Variants in NHSL1 observed in about 807,000 individuals in gnomAD.
The protein encoded by NHSL1 is NHS like 1.
In NHSL1, 48 loss-of-function variants were observed where a neutral mutation model predicts 95.0. The ratio of observed to expected loss-of-function variants is 0.51; its 90% CI spans 0.40 to 0.64. The LOEUF (loss-of-function observed/expected upper bound fraction) is 0.64, where lower values mean the gene tolerates loss of function less well. NHSL1 is among the 30% of genes least tolerant of loss of function. NHSL1 has a pLI of 0.00. For missense variants in NHSL1, 1,971 were observed against 2,077.7 expected, an observed-to-expected ratio of 0.95 and a Z score of 1.00; for synonymous variants, 783 against 833.9, an observed-to-expected ratio of 0.94 and a Z score of 1.05.
At chr6:138,674,795 T>C (rs987154172) in intron 1 of NHSL1, among the ~76,000 whole-genome samples, 3 of 152,168 alleles carry the variant, frequency 2.0e-5, no homozygotes, top group Non-Finnish European at 4.4e-5. Context: ...TGCATGTATA[T>C]TTACAACAGA....
At chr6:138,476,431 G>A (rs1422943902) in intron 2 of NHSL1, among the ~76,000 whole-genome samples, 1 of 152,176 alleles carries the variant, frequency 6.6e-6, no homozygotes, top group African/African-American at 2.4e-5. Flanking sequence ...CACCTTATTA[G>A]TGGGAACCAA....
intron 1 of NHSL1, chr6:138,691,992 CA>C (rs778126843): frequency 4.4e-5 from 20 of 456,684 alleles, no homozygotes; most frequent in South Asian, 3.1e-4. Context: ...AGAGAGGTGG[CA>C]AGCAGCCCCA....
intron 1 of NHSL1, among the ~76,000 whole-genome samples, chr6:138,600,283 GA>G (rs1446081409): frequency 6.6e-6 from 1 of 151,342 alleles, no homozygotes; most frequent in Non-Finnish European, 1.5e-5. Context: ...GCCCAGGCTG[GA>G]GTGCAGTAGC....
intron 1 of NHSL1, among the ~76,000 whole-genome samples, chr6:138,540,269 T>C (rs1782528227): frequency 6.6e-6 from 1 of 152,216 alleles, no homozygotes; most frequent in African/African-American, 2.4e-5. Flanking sequence ...AAATGTATGA[T>C]AGTAAAATGT....
intron 1 of NHSL1, among the ~76,000 whole-genome samples, chr6:138,655,607 A>G (rs948241439): frequency 6.6e-6 from 1 of 152,228 alleles, no homozygotes; most frequent in African/African-American, 2.4e-5. Flanking sequence ...TTCAACAGCA[A>G]TAGTTGAAAA....
At chr6:138,569,007 C>T (rs1316079976) in intron 1 of NHSL1, among the ~76,000 whole-genome samples, 1 of 152,166 alleles carries the variant, frequency 6.6e-6, no homozygotes, top group African/African-American at 2.4e-5. Flanking sequence ...ACACTATCCA[C>T]ACTGATGGTA....
chr6:138,439,543 T>C (rs891832589), intron 5 of NHSL1, among the ~76,000 whole-genome samples: 2 of 152,222 alleles, frequency 1.3e-5, no homozygotes, highest in African/African-American at 2.4e-5. Context: ...CAAATAAATA[T>C]GTAATCCAAT....
chr6:138,589,271 G>A (rs113889140), intron 1 of NHSL1, among the ~76,000 whole-genome samples: 6 of 152,250 alleles, frequency 3.9e-5, no homozygotes, highest in South Asian at 2.1e-4. Flanking sequence ...CACAGAGGGC[G>A]TGCCAGCATC....
intron 1 of NHSL1, among the ~76,000 whole-genome samples, chr6:138,611,087 A>T (rs76297725): frequency 6.6e-6 from 1 of 151,924 alleles, no homozygotes; most frequent in Admixed American, 6.5e-5. Flanking sequence ...AAAAAAAAAA[A>T]GTGGCAAGGA....
chr6:138,591,930 T>C (rs77927555), intron 1 of NHSL1, among the ~76,000 whole-genome samples: 1,776 of 152,220 alleles, frequency 0.012, 27 homozygotes, highest in African/African-American at 0.041. Context: ...TAGGGTTCCA[T>C]AGGATCCATG....
chr6:138,500,626 C>A (rs532782282), upstream of NHSL1, among the ~76,000 whole-genome samples: 1 of 152,284 alleles, frequency 6.6e-6, no homozygotes, highest in South Asian at 2.1e-4. Flanking sequence ...AACAAAGGCT[C>A]TTAGTCAAAG....
chr6:138,458,094 C>G (rs2128231027), intron 3 of NHSL1, among the ~76,000 whole-genome samples: 1 of 152,078 alleles, frequency 6.6e-6, no homozygotes, highest in South Asian at 2.1e-4. Flanking sequence ...ACACGGAAGA[C>G]CATACTGCTG....
chr6:138,504,396 T>C (rs1654316536), upstream of NHSL1, among the ~76,000 whole-genome samples: 1 of 152,066 alleles, frequency 6.6e-6, no homozygotes, highest in South Asian at 2.1e-4. Context: ...GATATAAAGA[T>C]TAAGTCTAGC....
intron 1 of NHSL1, among the ~76,000 whole-genome samples, chr6:138,673,031 G>GATAGA (rs1562409221): frequency 5.6e-4 from 83 of 148,166 alleles, no homozygotes; most frequent in South Asian, 2.8e-3. Context: ...AGATAGATAG[G>GATAGA]TAGATAGATA....
chr6:138,428,787 A>G (rs776287600), intron 7 of NHSL1, among the ~76,000 whole-genome samples: 9 of 151,908 alleles, frequency 5.9e-5, no homozygotes, highest in Non-Finnish European at 7.4e-5. Flanking sequence ...TTGTTTCAGG[A>G]GGTTAAAAAA....
intron 1 of NHSL1, among the ~76,000 whole-genome samples, chr6:138,587,091 A>C (rs1784146589): frequency 6.7e-6 from 1 of 149,766 alleles, no homozygotes; most frequent in Non-Finnish European, 1.5e-5. Flanking sequence ...TCCTGTCTCA[A>C]CCTCTCGAGT....
chr6:138,490,169 G>A (rs1779991349), intron 2 of NHSL1, among the ~76,000 whole-genome samples: 1 of 151,984 alleles, frequency 6.6e-6, no homozygotes, highest in South Asian at 2.1e-4. Flanking sequence ...TAAAGTTACA[G>A]AAAAAAAGAT....
At chr6:138,663,059 C>T (rs1446394672) in intron 1 of NHSL1, among the ~76,000 whole-genome samples, 7 of 21,990 alleles carry the variant, frequency 3.2e-4, no homozygotes, top group African/African-American at 2.6e-3. Flanking sequence ...ACCGAACTCA[C>T]GGCAAAAAAA....
At chr6:138,593,895 C>T (rs1011796812) in intron 1 of NHSL1, among the ~76,000 whole-genome samples, 29 of 152,164 alleles carry the variant, frequency 1.9e-4, no homozygotes, top group African/African-American at 6.0e-4. Context: ...TCTAAGAAAA[C>T]TGCTGAATCA....
Sources: gnomAD v4.1 joint callset for allele counts (sites outside exome capture counted in the v4.1 genomes callset) on GRCh38, gnomAD v4.1.1 for gene constraint, MANE v1.5 for transcripts, NCBI Gene and HGNC (gene_info 2026-07-23, HGNC 2026-07-21) for gene names.